Variants in ADAM22 observed in about 807,000 individuals in gnomAD.
The protein encoded by ADAM22 is ADAM metallopeptidase domain 22, also known as disintegrin and metalloproteinase domain-containing protein 22.
ADAM22 carries 65 observed loss-of-function variants against 144.6 expected under a neutral mutation model. The observed-to-expected ratio is 0.45, with a 90% CI of 0.37 to 0.55. The LOEUF (loss-of-function observed/expected upper bound fraction) is 0.55, where lower values mean the gene tolerates loss of function less well. ADAM22 is among the 20% of genes least tolerant of loss of function. The pLI, the probability that ADAM22 is intolerant of heterozygous loss-of-function variation, is 0.00. For synonymous variants in ADAM22, 391 were observed against 412.6 expected, an observed-to-expected ratio of 0.95 and a Z score of 0.63; for missense variants, 974 against 1,184.9, an observed-to-expected ratio of 0.82 and a Z score of 2.61.
At chr7:88,158,870 A>C (rs900491609) in intron 22 of ADAM22, among the ~76,000 whole-genome samples, 3 of 152,052 alleles carry the variant, frequency 2.0e-5, no homozygotes, top group Non-Finnish European at 4.4e-5. Context: ...AGAACAAACC[A>C]ACCCCAAAGC....
chr7:88,193,561 C>G (rs1399006489), intron 31 of ADAM22, among the ~76,000 whole-genome samples: 1 of 152,190 alleles, frequency 6.6e-6, no homozygotes, highest in Non-Finnish European at 1.5e-5. Context: ...CACACTGCCA[C>G]TGTCTCACAA....
At position 88,145,656 on chromosome 7, in the gene ADAM22, A is replaced by G. The variant is rs1391076662; in HGVS notation, c.1485+149A>G. The G allele has an allele frequency of 4.9e-6, 3 of 615,782 alleles. No homozygotes were observed. In the Admixed American group the frequency reaches 8.9e-5, roughly 18 times the overall value. The allele number at this position is 615,782 out of a possible 1,614,324, so 38.1% of individuals were successfully genotyped here. A position where few individuals can be genotyped will look rare whatever the true frequency, so the allele number is the denominator to read the frequency against. ...AGGTGCTTTATAGGATCTTCACAAA[A>G]TCTTGTGTGGTGTAGTTGCTTATTA... On this transcript the variant is annotated intron_variant, in intron 17 of 31. Coordinates refer to ENST00000413139, the MANE Select transcript of ADAM22 (RefSeq NM_001324418.2).
chr7:88,143,028 A>C lies in ADAM22; in HGVS notation c.1223A>C (p.Tyr408Ser). The C allele has an allele frequency of 6.3e-7, 1 of 1,596,602 alleles. No individual in the cohort carries two copies. Among genetic ancestry groups the C allele is most frequent in the Non-Finnish European group, 8.6e-7 (1 of 1,166,032 alleles). Reference sequence around the variant, plus strand: ...ATTGCTTTTCTTCTCTTTTATAGCTATTATCTTCCTAAAAAGTTCACCCAG... The same window carrying C: ...ATTGCTTTTCTTCTCTTTTATAGCTCTTATCTTCCTAAAAAGTTCACCCAG... Reference protein sequence around the residue: ...WSGCIMGDTGYYLPKKFTQCN... With the variant: ...WSGCIMGDTGSYLPKKFTQCN... Residue 408 changes from tyrosine (Y) to serine (S), a missense_variant and splice_region_variant, in exon 15 of 32, where the codon TAT becomes TCT. This residue lies in a region of ADAM22 where 734 missense variants were observed against 950.6 expected (regional missense o/e 0.77). Coordinates refer to ENST00000413139, the MANE Select transcript of ADAM22 (RefSeq NM_001324418.2).
intron 30 of ADAM22, among the ~76,000 whole-genome samples, chr7:88,192,858 A>G (rs2129541135): frequency 6.6e-6 from 1 of 152,316 alleles, no homozygotes; most frequent in African/African-American, 2.4e-5. Flanking sequence ...TATAGGATAC[A>G]TTTTTAGTGG....
intron 26 of ADAM22, among the ~76,000 whole-genome samples, chr7:88,178,634 T>A (rs768381268): frequency 7.9e-5 from 12 of 151,978 alleles, no homozygotes; most frequent in Non-Finnish European, 1.8e-4. Context: ...AAGACAAAAA[T>A]GCACTTAACA....
chr7:88,184,546 A>C, intron 29 of ADAM22: 1 of 195,670 alleles, frequency 5.1e-6, no homozygotes. Context: ...GCACCAGCTA[A>C]TTTTCCTTTG....
chr7:87,964,076 C>A (rs1848555340), intron 2 of ADAM22, among the ~76,000 whole-genome samples: 1 of 152,180 alleles, frequency 6.6e-6, no homozygotes, highest in South Asian at 2.1e-4. Context: ...GTTACTATGT[C>A]TTAAGTCTGT....
intron 3 of ADAM22, among the ~76,000 whole-genome samples, chr7:88,030,569 G>A (rs952266436): frequency 5.3e-5 from 8 of 152,056 alleles, no homozygotes; most frequent in Non-Finnish European, 1.2e-4. Context: ...GGTGGTACAT[G>A]GTGGGAGGTT....
chr7:88,158,279 C>T (rs1840557449), intron 22 of ADAM22, among the ~76,000 whole-genome samples: 1 of 152,142 alleles, frequency 6.6e-6, no homozygotes, highest in East Asian at 1.9e-4. Flanking sequence ...TACAAAGAGA[C>T]TTAAACTCCC....
At position 88,113,713 on chromosome 7, in the gene ADAM22, T is replaced by A. The variant is rs868820344; in HGVS notation, c.474-871T>A. On this transcript the variant is annotated intron_variant, in intron 5 of 31. Transcript: ENST00000413139. ...ATAAATAAATAAATAAATATATATA[T>A]ATATATATATATATATATATATATA... Among the ~76,000 whole-genome samples, 120 of 108,338 alleles carry A rather than the reference T, an allele frequency of 1.1e-3. 6 individuals carry two copies. The highest frequency in any genetic ancestry group is 4.3e-3 in the African/African-American group (112 of 25,910). The allele number at this position is 108,338 out of a possible 152,430, so 71.1% of individuals were successfully genotyped here.
chr7:87,963,720 C>G (rs2129445680), intron 2 of ADAM22, among the ~76,000 whole-genome samples: 1 of 152,256 alleles, frequency 6.6e-6, no homozygotes, highest in South Asian at 2.1e-4. Context: ...AGCAGCTAAT[C>G]AGAGGGAAGG....
intron 11 of ADAM22, chr7:88,131,668 AAT>A (rs57333269): frequency 0.038 from 20,579 of 541,554 alleles, 708 homozygotes; most frequent in African/African-American, 0.14. Context: ...AAGATATTTA[AAT>A]AGAGCATTTA....
rs984125679 is a variant in ADAM22 at position 88,196,873 on chromosome 7, C to G, written c.*382C>G. 2.1e-5 allele frequency: 5 copies of G among 235,366 alleles called. No homozygotes were observed. The highest frequency in any genetic ancestry group is 4.3e-5 in the Non-Finnish European group (5 of 116,786). The allele number at this position is 235,366 out of a possible 1,614,324, so 14.6% of individuals were successfully genotyped here. ...AGAACTTGACGTTCTGAGGCACATC[C>G]TCACTGTAAACAGTAATGCTATATG... On this transcript the variant is annotated 3_prime_UTR_variant, in exon 32 of 32. Coordinates refer to ENST00000413139, the MANE Select transcript of ADAM22 (RefSeq NM_001324418.2).
chr7:87,989,520 T>C (rs1789273606), intron 3 of ADAM22, among the ~76,000 whole-genome samples: 1 of 152,226 alleles, frequency 6.6e-6, no homozygotes, highest in African/African-American at 2.4e-5. Context: ...CCCTGTATAG[T>C]ATTCATACTC....
intron 3 of ADAM22, among the ~76,000 whole-genome samples, chr7:88,071,672 T>A (rs1227461614): frequency 2.0e-5 from 3 of 152,172 alleles, no homozygotes; most frequent in Non-Finnish European, 4.4e-5. Flanking sequence ...TGTTATGACA[T>A]GCAAATGAAA....
chr7:88,147,114 G>T (rs1836729885), intron 17 of ADAM22, among the ~76,000 whole-genome samples: 1 of 152,198 alleles, frequency 6.6e-6, no homozygotes, highest in East Asian at 1.9e-4. Context: ...CAAGGAACAA[G>T]TAGAAAATAA....
chr7:88,145,403 T>C lies in ADAM22; in HGVS notation c.1393-12T>C. 1 of 1,605,630 alleles carries C rather than the reference T, an allele frequency of 6.2e-7. No individual in the cohort carries two copies. Among genetic ancestry groups the C allele is most frequent in the East Asian group, 2.2e-5 (1 of 44,824 alleles). ...CGTTTTCTGATGTTTTGAAAATGTT[T>C]ATATTCCTTAGGAATGTGTCCTTGA... On this transcript the variant is annotated splice_polypyrimidine_tract_variant and intron_variant, in intron 16 of 31. Coordinates refer to ENST00000413139, the MANE Select transcript of ADAM22 (RefSeq NM_001324418.2).
intron 29 of ADAM22, chr7:88,185,788 A>G (rs1296972937): frequency 6.6e-6 from 1 of 152,174 alleles, no homozygotes; most frequent in Non-Finnish European, 1.5e-5. Context: ...TGCCAGATCC[A>G]TCAGGGAAAT....
intron 14 of ADAM22, among the ~76,000 whole-genome samples, chr7:88,140,623 G>C (rs990500060): frequency 6.6e-6 from 1 of 152,078 alleles, no homozygotes; most frequent in Admixed American, 6.5e-5. Context: ...TGGGAGGATC[G>C]CTTGAGCCCA....
Sources: allele counts gnomAD v4.1 joint callset (sites outside exome capture counted in the v4.1 genomes callset), GRCh38; gene constraint gnomAD v4.1.1; regional missense constraint gnomAD v4.1.1; transcripts MANE v1.5; gene names NCBI Gene and HGNC (gene_info 2026-07-23, HGNC 2026-07-21).